DGKD: variants seen among roughly 807,000 people sequenced by gnomAD.
The protein encoded by DGKD is DAG kinase delta.
In DGKD, 68 loss-of-function variants were observed where a neutral mutation model predicts 154.4. That is an observed-to-expected ratio of 0.44 (90% CI 0.36 to 0.54). DGKD has a LOEUF of 0.54. Ranked by LOEUF, DGKD falls within the 20% of genes least tolerant of loss-of-function variation. The pLI is 0.00. For missense variants in DGKD, 1,343 were observed against 1,593.6 expected (o/e 0.84, Z 2.68); for synonymous variants, 693 against 638.0 (o/e 1.09, Z -1.30).
intron 28 of DGKD, among the ~76,000 whole-genome samples, chr2:233,467,956 A>G (rs73996001): frequency 0.031 from 4,652 of 152,226 alleles, 231 homozygotes; most frequent in African/African-American, 0.11. Context: ...TAACCCTTCT[A>G]GAAGCTGGAG....
intron 3 of DGKD, chr2:233,392,456 A>G (rs929007949): frequency 6.6e-6 from 1 of 152,168 alleles, no homozygotes; most frequent in Admixed American, 6.5e-5. Flanking sequence ...GTATGTATGC[A>G]TTTGTTTTGG....
intron 24 of DGKD, among the ~76,000 whole-genome samples, chr2:233,461,512 T>C (rs1214254353): frequency 1.3e-5 from 2 of 152,106 alleles, no homozygotes; most frequent in African/African-American, 4.8e-5. Context: ...GCCCCAGGAG[T>C]TGGTGCCACT....
chr2:233,388,679 G>C (rs1174560340), intron 2 of DGKD: 1 of 222,932 alleles, frequency 4.5e-6, no homozygotes, highest in East Asian at 9.3e-5. Context: ...GGGAATCACG[G>C]GGCTATGAAT....
intron 3 of DGKD, chr2:233,408,779 G>A (rs993924239): frequency 4.6e-5 from 7 of 152,234 alleles, no homozygotes; most frequent in African/African-American, 1.7e-4. Flanking sequence ...GCAGGCCTGC[G>A]GGATCAGGTG....
chr2:233,421,921 A>G (rs369691579), intron 3 of DGKD, among the ~76,000 whole-genome samples: 12 of 152,268 alleles, frequency 7.9e-5, no homozygotes, highest in African/African-American at 2.2e-4. Flanking sequence ...TTGGAGCCCA[A>G]TGATGAAGAT....
chr2:233,392,933 G>C (rs1289986042), intron 3 of DGKD, among the ~76,000 whole-genome samples: 1 of 152,180 alleles, frequency 6.6e-6, no homozygotes, highest in Non-Finnish European at 1.5e-5. Flanking sequence ...TTTCTTGTCA[G>C]ATTTCGTAAA....
chr2:233,413,998 G>A (rs562679083), intron 3 of DGKD, among the ~76,000 whole-genome samples: 1 of 152,328 alleles, frequency 6.6e-6, no homozygotes, highest in African/African-American at 2.4e-5. Context: ...CCACCTCTGA[G>A]CATCCAAATA....
chr2:233,451,025 G>A lies in DGKD; in HGVS notation c.2142G>A (p.Ala714=), dbSNP rs551751112. ...PQPGSRDGLP[A]LNTKILYPNV... is the part of the protein sequence containing the mutation. Reference sequence around the variant, plus strand: ...CGGGAAGCCGGGACGGCCTGCCTGCGCTCAACACCAAGATCCTGTACCCAA... The same window carrying A: ...CGGGAAGCCGGGACGGCCTGCCTGCACTCAACACCAAGATCCTGTACCCAA... The change falls in exon 17 of 30, where the codon GCG becomes GCA. Residue 714 remains alanine (A), a synonymous_variant. Coordinates refer to ENST00000264057, the MANE Select transcript of DGKD (RefSeq NM_152879.3). 4.7e-5 allele frequency: 75 copies of A among 1,611,904 alleles called. No homozygotes were observed. The South Asian group carries it at 7.2e-4, about 16-fold the overall frequency.
At position 233,445,884 on chromosome 2, in the gene DGKD, T is replaced by C. The variant is rs936124353; in HGVS notation, c.1334+122T>C. ...GCCCTCTGAAATTATTTGTAAAGAT[T>C]TGACCTGAGTATATATTCGGATAGT... is the stretch of plus-strand genomic sequence containing the variant. On this transcript the variant is annotated intron_variant, in intron 11 of 29. Coordinates refer to ENST00000264057, the MANE Select transcript of DGKD (RefSeq NM_152879.3). This position sits in a 1 kb window ranked among gnomAD's most constrained non-coding sequence, Gnocchi z 5.5. The C allele has an allele frequency of 2.4e-6, 3 of 1,248,918 alleles. No homozygotes were observed. In the African/African-American group the frequency reaches 4.6e-5, roughly 19 times the overall value. 77.4% of individuals were successfully genotyped at this position (1,248,918 alleles called of 1,614,324 possible).
intron 1 of DGKD, among the ~76,000 whole-genome samples, chr2:233,377,335 C>T (rs1449311108): frequency 3.9e-5 from 6 of 152,172 alleles, no homozygotes; most frequent in South Asian, 2.1e-4. Context: ...CCACCCGCTT[C>T]GGCCTCCCAA....
chr2:233,461,756 C>G (rs896235352), intron 24 of DGKD, among the ~76,000 whole-genome samples: 1 of 152,266 alleles, frequency 6.6e-6, no homozygotes, highest in Non-Finnish European at 1.5e-5. Flanking sequence ...TCAGGACAGG[C>G]TGGCCCCGCT....
At chr2:233,390,079 A>G (rs985433304) in intron 2 of DGKD, among the ~76,000 whole-genome samples, 3 of 152,236 alleles carry the variant, frequency 2.0e-5, no homozygotes, top group African/African-American at 4.8e-5. Context: ...GAATACTGGT[A>G]TTGACAGTAG....
intron 11 of DGKD, among the ~76,000 whole-genome samples, chr2:233,446,169 C>G (rs1158738542): frequency 6.6e-6 from 1 of 152,266 alleles, no homozygotes; most frequent in African/African-American, 2.4e-5. Context: ...CCTCTAGTGC[C>G]TAAAGCCACT....
intron 3 of DGKD, among the ~76,000 whole-genome samples, chr2:233,410,721 T>C (rs2061806366): frequency 6.6e-6 from 1 of 152,232 alleles, no homozygotes; most frequent in Non-Finnish European, 1.5e-5. Flanking sequence ...TGAGACATAA[T>C]TGATGTACAA....
Position 233,422,365 on chromosome 2 carries a change from G to T in DGKD, c.349-12015G>T, listed in dbSNP as rs184744922. 2.0e-5 allele frequency among the ~76,000 whole-genome samples: 3 copies of T among 152,322 alleles called. No individual in the cohort carries two copies. In the East Asian group the frequency reaches 5.8e-4, roughly 29 times the overall value. ...TGCCTTGTGCAGGCTCAAGTACCCA[G>T]GCCACGTGTCAGAGCCCATAGCAAA... On this transcript the variant is annotated intron_variant, in intron 3 of 29. Coordinates refer to ENST00000264057, the MANE Select transcript of DGKD (RefSeq NM_152879.3).
At chr2:233,423,991 A>G (rs1441089416) in intron 3 of DGKD, among the ~76,000 whole-genome samples, 3 of 152,040 alleles carry the variant, frequency 2.0e-5, no homozygotes, top group East Asian at 1.9e-4. Context: ...TCTGATGCCC[A>G]TGGTTTTCAG....
chr2:233,433,934 A>T (rs570310393), intron 3 of DGKD, among the ~76,000 whole-genome samples: 2 of 152,354 alleles, frequency 1.3e-5, no homozygotes, highest in Admixed American at 1.3e-4. Flanking sequence ...CTACAAGAAC[A>T]TTTATATGTG....
chr2:233,434,058 C>T (rs539408707), intron 3 of DGKD, among the ~76,000 whole-genome samples: 11 of 152,276 alleles, frequency 7.2e-5, no homozygotes, highest in South Asian at 6.2e-4. Flanking sequence ...TTCCACTGTT[C>T]GGAAAACAAC....
intron 16 of DGKD, 68 bp from the exon 17 acceptor site, chr2:233,450,854 A>C (rs114655241): frequency 4.9e-5 from 76 of 1,546,740 alleles, no homozygotes; most frequent in Non-Finnish European, 6.7e-5. Flanking sequence ...TCGTGTCGCT[A>C]AGGACCCCCC....
Sources: gnomAD v4.1 joint callset for allele counts (sites outside exome capture counted in the v4.1 genomes callset) on GRCh38, gnomAD v4.1.1 for gene constraint, Gnocchi (gnomAD v3.1) non-coding constraint, MANE v1.5 for transcripts, NCBI Gene and HGNC (gene_info 2026-07-23, HGNC 2026-07-21) for gene names.